GNG2: variants seen among roughly 807,000 people sequenced by gnomAD.
The protein encoded by GNG2 is guanine nucleotide-binding protein G(I)/G(S)/G(O) subunit gamma-2.
A neutral mutation model predicts 5.5 loss-of-function variants in GNG2; 5 were observed. The ratio of observed to expected loss-of-function variants is 0.91; its 90% CI spans 0.48 to 1.92. GNG2 has a LOEUF of 1.92. Among genes scored for constraint, GNG2 ranks in the 30% most tolerant of loss-of-function variants. The pLI is 0.01. For synonymous variants in GNG2, 28 were observed against 32.0 expected, an observed-to-expected ratio of 0.88 and a Z score of 0.42; for missense variants, 55 against 88.4, an observed-to-expected ratio of 0.62 and a Z score of 1.52.
At chr14:51,842,316 T>C (rs1008995027) in intron 2 of GNG2, among the ~76,000 whole-genome samples, 5 of 152,236 alleles carry the variant, frequency 3.3e-5, no homozygotes, top group Non-Finnish European at 5.9e-5. Context: ...TGTTATTTTG[T>C]AGAGAGAACA....
chr14:51,891,034 T>C (rs1054378415), intron 2 of GNG2, among the ~76,000 whole-genome samples: 23 of 152,122 alleles, frequency 1.5e-4, no homozygotes, highest in Admixed American at 1.2e-3. Context: ...AGTGGGTCAA[T>C]TTTGGGGAAG....
intron 2 of GNG2, among the ~76,000 whole-genome samples, chr14:51,941,417 A>G (rs1888310128): frequency 6.6e-6 from 1 of 152,234 alleles, no homozygotes; most frequent in Admixed American, 6.5e-5. Flanking sequence ...AGACAGAAAA[A>G]TTGTTTTATT....
chr14:51,955,494 A>G (rs563049829), intron 3 of GNG2, among the ~76,000 whole-genome samples: 1 of 152,186 alleles, frequency 6.6e-6, no homozygotes, highest in Admixed American at 6.5e-5. Flanking sequence ...ACTTGTTTGC[A>G]TCTTTCATGG....
At chr14:51,949,478 C>A (rs1177074882) in intron 2 of GNG2, among the ~76,000 whole-genome samples, 4 of 152,052 alleles carry the variant, frequency 2.6e-5, no homozygotes, top group African/African-American at 7.3e-5. Context: ...AGATAAGTAA[C>A]CTGATCTTAC....
chr14:51,843,532 C>G (rs571370735), intron 2 of GNG2, among the ~76,000 whole-genome samples: 1 of 151,634 alleles, frequency 6.6e-6, no homozygotes, highest in African/African-American at 2.4e-5. Flanking sequence ...ATATGTATAC[C>G]TATGTAACCT....
chr14:51,877,291 G>A (rs1341231330), intron 1 of GNG2, among the ~76,000 whole-genome samples: 1 of 152,116 alleles, frequency 6.6e-6, no homozygotes, highest in Middle Eastern at 3.2e-3. Flanking sequence ...TCATTCCATC[G>A]GTATACAGCC....
chr14:51,964,621 A>G (rs1325138962), intron 3 of GNG2, among the ~76,000 whole-genome samples: 1 of 152,182 alleles, frequency 6.6e-6, no homozygotes, highest in Non-Finnish European at 1.5e-5. Context: ...GTTCTGTGGC[A>G]AAGGGAACAG....
intron 2 of GNG2, among the ~76,000 whole-genome samples, chr14:51,841,193 A>T (rs1000829664): frequency 6.6e-6 from 1 of 152,230 alleles, no homozygotes; most frequent in African/African-American, 2.4e-5. Flanking sequence ...GGAGGGAAAA[A>T]CAAGGATAGC....
Position 51,933,394 on chromosome 14 carries a change from CA to C in GNG2, c.-29-17255del, listed in dbSNP as rs550300440. On this transcript the variant is annotated intron_variant, in intron 2 of 3. Transcript: ENST00000556766. ...AAAATTGAAGAAGAGGAAGTGGACA[CA>C]GCAACGATAGGCAACTCTTTCAAGT... Among the ~76,000 whole-genome samples, 491 of 152,226 alleles carry C rather than the reference CA, an allele frequency of 3.2e-3. 4 individuals are homozygous for C. Among genetic ancestry groups the C allele is most frequent in the Non-Finnish European group, 3.4e-3 (232 of 68,018 alleles).
At chr14:51,828,087 A>C (rs757305083) in intron 2 of GNG2, among the ~76,000 whole-genome samples, 1 of 152,226 alleles carries the variant, frequency 6.6e-6, no homozygotes, top group East Asian at 1.9e-4. Flanking sequence ...AGCTTCCTCA[A>C]CATGAGTTAT....
At position 51,867,536 on chromosome 14, in the gene GNG2, T is replaced by C. The variant is rs146988848; in HGVS notation, c.-71+6746T>C. Among the ~76,000 whole-genome samples, 629 of 152,322 alleles carry C rather than the reference T, an allele frequency of 4.1e-3. 1 individual carries two copies. Among genetic ancestry groups the C allele is most frequent in the Middle Eastern group, 0.014 (4 of 294 alleles). ...CTCTAGTTGCAGGAAGTTGCATGGCTCCTTGCAATTGTGATTGGGAAAATA... is the reference window on the plus strand; with the variant it reads ...CTCTAGTTGCAGGAAGTTGCATGGCCCCTTGCAATTGTGATTGGGAAAATA... On this transcript the variant is annotated intron_variant, in intron 1 of 3. Transcript: ENST00000556766.
chr14:51,880,944 C>G (rs1325180042), intron 2 of GNG2, among the ~76,000 whole-genome samples: 2 of 120,214 alleles, frequency 1.7e-5, no homozygotes, highest in African/African-American at 3.2e-5. Flanking sequence ...TTGTTCAGAC[C>G]AGCTTAAAAA....
In GNG2 at chr14:51,914,657, G is replaced by A. The variant is rs529911781; in HGVS notation, c.-29-35993G>A. Among the ~76,000 whole-genome samples the A allele has an allele frequency of 3.3e-5, 5 of 152,230 alleles. No individual in the cohort carries two copies. The South Asian group carries it at 6.2e-4, about 19-fold the overall frequency. On this transcript the variant is annotated intron_variant, in intron 2 of 3. Transcript: ENST00000556766. ...AAGCAGTCTAAGGGAGCTCCTTTGC[G>A]GCCTGGATCTGGTAGATCCGGTAAC... is the stretch of plus-strand genomic sequence containing the variant.
At chr14:51,884,228 A>G (rs1040288034) in intron 2 of GNG2, among the ~76,000 whole-genome samples, 1 of 152,110 alleles carries the variant, frequency 6.6e-6, no homozygotes, top group Non-Finnish European at 1.5e-5. Flanking sequence ...AAACTGAAAG[A>G]AAAAAAATGT....
At chr14:51,855,400 T>G (rs1882110258) in intron 2 of GNG2, among the ~76,000 whole-genome samples, 2 of 152,208 alleles carry the variant, frequency 1.3e-5, no homozygotes, top group Admixed American at 6.5e-5. Flanking sequence ...CAAATATGAT[T>G]CAGTCTTCTT....
At chr14:51,916,297 T>C in intron 2 of GNG2, 1 of 283,564 alleles carries the variant, frequency 3.5e-6, no homozygotes, top group South Asian at 2.9e-5. Flanking sequence ...AACACAGAAA[T>C]TGAGTGGGTG....
Position 51,908,736 on chromosome 14 carries a change from AT to A in GNG2, c.-30+31102del, listed in dbSNP as rs3030340. ...AGGCGTGCGCCACCACACCCAGCTAATTTTTTTTTTTTTTTTTTTTTTTAGT... is the reference window on the plus strand; with the variant it reads ...AGGCGTGCGCCACCACACCCAGCTAATTTTTTTTTTTTTTTTTTTTTTAGT... On this transcript the variant is annotated intron_variant, in intron 2 of 3. Transcript: ENST00000556766. Among the ~76,000 whole-genome samples the A allele has an allele frequency of 9.4e-3, 849 of 89,872 alleles. 23 individuals are homozygous for A. Among genetic ancestry groups the A allele is most frequent in the Non-Finnish European group, 0.014 (684 of 48,632 alleles). The allele number at this position is 89,872 out of a possible 152,430, so 59.0% of individuals were successfully genotyped here. A position where few individuals can be genotyped will look rare whatever the true frequency, so the allele number is the denominator to read the frequency against.
upstream of GNG2, among the ~76,000 whole-genome samples, chr14:51,859,682 G>T (rs1337369409): frequency 6.6e-6 from 1 of 152,154 alleles, no homozygotes; most frequent in Admixed American, 6.5e-5. Context: ...GTCATTAATG[G>T]CAATTTGGAT....
At chr14:51,882,149 T>A (rs984911946) in intron 2 of GNG2, among the ~76,000 whole-genome samples, 1 of 152,142 alleles carries the variant, frequency 6.6e-6, no homozygotes, top group African/African-American at 2.4e-5. Context: ...GGGTACAGGG[T>A]TTCCTTCCGG....
Sources: gnomAD v4.1 joint callset for allele counts (sites outside exome capture counted in the v4.1 genomes callset) on GRCh38, gnomAD v4.1.1 for gene constraint, MANE v1.5 for transcripts, NCBI Gene and HGNC (gene_info 2026-07-23, HGNC 2026-07-21) for gene names.